Variants in DLGAP2 observed in about 807,000 individuals in gnomAD.
The protein encoded by DLGAP2 is DLG associated protein 2, also known as disks large-associated protein 2.
In DLGAP2, 26 loss-of-function variants were observed where a neutral mutation model predicts 100.3. The observed-to-expected ratio is 0.26, with a 90% CI of 0.19 to 0.36. The LOEUF (loss-of-function observed/expected upper bound fraction) is 0.36. Ranked by LOEUF, DLGAP2 falls within the 10% of genes least tolerant of loss-of-function variation. The pLI is 1.00. For missense variants in DLGAP2, 1,858 were observed against 1,453.2 expected (o/e 1.28, Z -4.53); for synonymous variants, 886 against 630.1 (o/e 1.41, Z -6.08).
intron 7 of DLGAP2, among the ~76,000 whole-genome samples, chr8:1,632,557 A>T (rs1422268580): frequency 6.6e-6 from 1 of 152,186 alleles, no homozygotes; most frequent in Non-Finnish European, 1.5e-5. Flanking sequence ...CTTTGTAATA[A>T]CTGTCAGCCT....
chr8:1,468,374 T>A (rs1013362721), intron 3 of DLGAP2, among the ~76,000 whole-genome samples: 18 of 151,822 alleles, frequency 1.2e-4, no homozygotes, highest in Non-Finnish European at 8.8e-5. Context: ...GCAGCCTCAG[T>A]CCATTCTGAG....
intron 6 of DLGAP2, among the ~76,000 whole-genome samples, chr8:1,595,594 G>A (rs945588670): frequency 2.0e-5 from 3 of 148,740 alleles, no homozygotes; most frequent in Admixed American, 2.0e-4. Context: ...GTGAACCCGG[G>A]AAGCGGAGCT....
Position 1,678,400 on chromosome 8 carries a change from G to C in DLGAP2, c.2475G>C (p.Gly825=). The change falls in exon 12 of 15, where the codon GGG becomes GGC. Residue 825 remains glycine, a synonymous_variant. Coordinates refer to ENST00000637795, the MANE Select transcript of DLGAP2 (RefSeq NM_001346810.2). ...YSAVRTVRTQ[G]LFSYREDYRT... is the part of the protein sequence containing the mutation. Reference sequence around the variant, plus strand: ...CGGTGAGAACTGTACGGACCCAGGGGCTCTTCAGCTATAGAGAAGACTATC... The same window carrying C: ...CGGTGAGAACTGTACGGACCCAGGGCCTCTTCAGCTATAGAGAAGACTATC... 3 of 1,613,890 alleles carry C rather than the reference G, an allele frequency of 1.9e-6. No homozygotes were observed. In the South Asian group the frequency reaches 3.3e-5, roughly 18 times the overall value.
intron 2 of DLGAP2, among the ~76,000 whole-genome samples, chr8:934,688 C>G (rs973557841): frequency 2.6e-5 from 4 of 152,206 alleles, no homozygotes; most frequent in Non-Finnish European, 4.4e-5. Context: ...CTGCTTCATG[C>G]TCGCTCATGC....
intron 2 of DLGAP2, among the ~76,000 whole-genome samples, chr8:980,705 A>G (rs1471836544): frequency 6.6e-6 from 1 of 152,106 alleles, no homozygotes; most frequent in Non-Finnish European, 1.5e-5. Context: ...GGAAGGAAGG[A>G]AGCTGGGTTC....
intron 1 of DLGAP2, among the ~76,000 whole-genome samples, chr8:805,081 T>C (rs1191360728): frequency 6.6e-6 from 1 of 152,224 alleles, no homozygotes; most frequent in Non-Finnish European, 1.5e-5. Flanking sequence ...TCTGCCTTTT[T>C]CTAAAAGCTC....
At chr8:1,123,621 T>C (rs1196978747) in intron 2 of DLGAP2, among the ~76,000 whole-genome samples, 1 of 151,562 alleles carries the variant, frequency 6.6e-6, no homozygotes, top group African/African-American at 2.4e-5. Context: ...GTGTAATTTA[T>C]CTTTCCTTTA....
chr8:1,230,852 TAACTC>T (rs1465697654), intron 2 of DLGAP2, among the ~76,000 whole-genome samples: 1 of 152,274 alleles, frequency 6.6e-6, no homozygotes, highest in Non-Finnish European at 1.5e-5. Context: ...ATGCAAAAAT[TAACTC>T]AAGATGAATT....
intron 1 of DLGAP2, among the ~76,000 whole-genome samples, chr8:791,592 C>T (rs1001715856): frequency 6.6e-6 from 1 of 152,144 alleles, no homozygotes; most frequent in African/African-American, 2.4e-5. Context: ...TCGATTCTAA[C>T]ATAAATAATT....
intron 2 of DLGAP2, among the ~76,000 whole-genome samples, chr8:990,353 CT>C (rs1563131832): frequency 2.4e-4 from 34 of 138,950 alleles, no homozygotes; most frequent in South Asian, 7.4e-4. Context: ...TCTTCTCTCC[CT>C]CCTTGCCCGG....
At chr8:1,482,332 C>G (rs1799120722) in intron 3 of DLGAP2, among the ~76,000 whole-genome samples, 1 of 152,238 alleles carries the variant, frequency 6.6e-6, no homozygotes, top group African/African-American at 2.4e-5. Context: ...ACGAGGCTTG[C>G]CTTCCTCAGA....
At chr8:1,270,514 C>G (rs538135699) in intron 3 of DLGAP2, among the ~76,000 whole-genome samples, 1 of 152,194 alleles carries the variant, frequency 6.6e-6, no homozygotes, top group East Asian at 1.9e-4. Flanking sequence ...AATGCAGGCT[C>G]TAAGCCCAGC....
At chr8:1,497,767 C>T (rs977829693) in intron 3 of DLGAP2, among the ~76,000 whole-genome samples, 20 of 152,270 alleles carry the variant, frequency 1.3e-4, no homozygotes, top group African/African-American at 2.9e-4. Flanking sequence ...CCGCTGTCCA[C>T]GGGGACATGT....
intron 2 of DLGAP2, among the ~76,000 whole-genome samples, chr8:1,118,699 A>G (rs900171014): frequency 3.9e-5 from 6 of 152,310 alleles, no homozygotes; most frequent in Admixed American, 6.5e-5. Context: ...ACACTCTGCT[A>G]TGAGGACCGA....
At chr8:1,370,483 A>G (rs1802211069) in intron 3 of DLGAP2, among the ~76,000 whole-genome samples, 1 of 152,232 alleles carries the variant, frequency 6.6e-6, no homozygotes, top group Non-Finnish European at 1.5e-5. Context: ...ACTCTCCTTT[A>G]TCTTCTATTT....
At chr8:898,021 C>T (rs765416346) in intron 1 of DLGAP2, among the ~76,000 whole-genome samples, 5 of 149,878 alleles carry the variant, frequency 3.3e-5, no homozygotes, top group Non-Finnish European at 6.0e-5. Flanking sequence ...GCTCCCGCCA[C>T]GTGTGACCCT....
chr8:978,721 C>T (rs1584942218), intron 2 of DLGAP2, among the ~76,000 whole-genome samples: 1 of 152,082 alleles, frequency 6.6e-6, no homozygotes, highest in East Asian at 1.9e-4. Flanking sequence ...TGGTCTTTGC[C>T]ACGCGGGCAT....
chr8:1,086,430 C>A (rs1803976441), intron 2 of DLGAP2, among the ~76,000 whole-genome samples: 2 of 152,020 alleles, frequency 1.3e-5, no homozygotes, highest in Admixed American at 6.5e-5. Flanking sequence ...TATTGAGGTA[C>A]ATTCATTCTA....
intron 5 of DLGAP2, 121 bp downstream of exon 5, chr8:1,549,804 T>G: frequency 9.1e-7 from 1 of 1,103,980 alleles, no homozygotes; most frequent in Non-Finnish European, 1.3e-6. Flanking sequence ...CAGGATGTTC[T>G]GAGCTACGGA....
Sources: allele counts gnomAD v4.1 joint callset (sites outside exome capture counted in the v4.1 genomes callset), GRCh38; gene constraint gnomAD v4.1.1; transcripts MANE v1.5; gene names NCBI Gene and HGNC (gene_info 2026-07-23, HGNC 2026-07-21).